The following TIE1 variants were observed in gnomAD, a reference collection of about 807,000 sequenced individuals.
TIE1 encodes tyrosine kinase with immunoglobulin like and EGF like domains 1, also known as tyrosine-protein kinase receptor Tie-1.
Under a neutral mutation model 130.5 loss-of-function variants are expected in TIE1, and 89 were observed. That is an observed-to-expected ratio of 0.68 (90% CI 0.57 to 0.81). The LOEUF is 0.81. Ranked by LOEUF, TIE1 falls within the 40% of genes least tolerant of loss-of-function variation. The pLI is 0.00. For missense variants in TIE1, 1,392 were observed against 1,559.8 expected (o/e 0.89, Z 1.81); for synonymous variants, 568 against 629.4 (o/e 0.90, Z 1.46).
chr1:43,305,433 G>A (rs1646719456), intron 3 of TIE1, 90 bp downstream of exon 3: 2 of 1,275,678 alleles, frequency 1.6e-6, no homozygotes, highest in South Asian at 1.6e-5. Context: ...CTCAGCTTTG[G>A]CCCCTGACAC....
chr1:43,313,627 C>T lies in TIE1; in HGVS notation c.2219-151C>T, dbSNP rs1163605682. 1 of 1,055,782 alleles carries T rather than the reference C, an allele frequency of 9.5e-7. No homozygotes were observed. Among genetic ancestry groups the T allele is most frequent in the East Asian group, 2.6e-5 (1 of 38,404 alleles). The allele number at this position is 1,055,782 out of a possible 1,614,324, so 65.4% of individuals were successfully genotyped here. A position where few individuals can be genotyped will look rare whatever the true frequency, so the allele number is the denominator to read the frequency against. On this transcript the variant is annotated intron_variant, in intron 13 of 22. Transcript: ENST00000372476. The surrounding 1 kb of genome is among the most constrained non-coding windows in gnomAD (Gnocchi z 6.2). The stretch of plus-strand genomic sequence containing the variant: ...TGGGAAAATCATGTCGCCCCTCTGA[C>T]ACCCCTCATCCCTTCCTTCATGTGG...
chr1:43,319,509 C>G lies in TIE1; in HGVS notation c.3087C>G (p.Val1029=), dbSNP rs539286992. 3.6e-5 allele frequency: 58 copies of G among 1,614,066 alleles called. No individual in the cohort carries two copies. In the Middle Eastern group the frequency reaches 6.6e-4, roughly 18 times the overall value. Reference sequence around the variant, plus strand: ...CCATTGAGTCCCTGAACTACAGTGTCTATACCACCAAGAGTGATGTGTGAG... The same window carrying G: ...CCATTGAGTCCCTGAACTACAGTGTGTATACCACCAAGAGTGATGTGTGAG... ...WMAIESLNYS[V]YTTKSDVWSF... The change falls in exon 19 of 23, where the codon GTC becomes GTG. Residue 1029 remains valine (V), a synonymous_variant. Coordinates refer to ENST00000372476, the MANE Select transcript of TIE1 (RefSeq NM_005424.5). This position sits in a 1 kb window ranked among gnomAD's most constrained non-coding sequence, Gnocchi z 4.7.
chr1:43,321,757 G>A (rs762965036), intron 22 of TIE1, 42 bp downstream of exon 22: 2 of 1,532,464 alleles, frequency 1.3e-6, no homozygotes, highest in South Asian at 2.4e-5. Context: ...GGCTCACAGA[G>A]TGCTCCAGAG....
At position 43,308,775 on chromosome 1, in the gene TIE1, G is replaced by A. The variant is rs138551599; in HGVS notation, c.1043-211G>A. 524 of 684,906 alleles carry A rather than the reference G, an allele frequency of 7.7e-4. 1 individual carries two copies. In the African/African-American group the frequency reaches 7.9e-3, roughly 10 times the overall value. 42.4% of individuals were successfully genotyped at this position (684,906 alleles called of 1,614,324 possible). The stretch of plus-strand genomic sequence containing the variant: ...CTGCTGGCAGGTATTAGACGGTATC[G>A]GGAAGTGGGGAGGTGGTTAGGAAGT... On this transcript the variant is annotated intron_variant, in intron 7 of 22. Coordinates refer to ENST00000372476, the MANE Select transcript of TIE1 (RefSeq NM_005424.5).
Position 43,313,893 on chromosome 1 carries a change from T to C in TIE1, c.2334T>C (p.Ala778=), listed in dbSNP as rs3120276. The C allele has an allele frequency of 0.65, 1,047,269 of 1,613,802 alleles. 345,405 individuals are homozygous for C. Among genetic ancestry groups the C allele is most frequent in the African/African-American group, 0.86 (64,523 of 74,958 alleles). ...CTGCCACCTGCCTCACCATCCTGGC[T>C]GCCCTTTTAACCCTGGTGTGCATCC... The part of the protein sequence containing the change: ...SVSATCLTIL[A]ALLTLVCIRR... Residue 778 remains alanine (A), a synonymous_variant, in exon 14 of 23, where the codon GCT becomes GCC. Coordinates refer to ENST00000372476, the MANE Select transcript of TIE1 (RefSeq NM_005424.5). This position sits in a 1 kb window ranked among gnomAD's most constrained non-coding sequence, Gnocchi z 6.2.
chr1:43,316,616 G>T lies in TIE1; in HGVS notation c.2410-583G>T, dbSNP rs1433434796. On this transcript the variant is annotated intron_variant, in intron 14 of 22. Coordinates refer to ENST00000372476, the MANE Select transcript of TIE1 (RefSeq NM_005424.5). This position sits in a 1 kb window ranked among gnomAD's most constrained non-coding sequence, Gnocchi z 4.4. ...GAGAAAAGCCAAGTGTGTGGACAGGGTAATCTCTGCTTCTGCTACTGTGGA... is the reference window on the plus strand; with the variant it reads ...GAGAAAAGCCAAGTGTGTGGACAGGTTAATCTCTGCTTCTGCTACTGTGGA... 6.6e-6 allele frequency among the ~76,000 whole-genome samples: 1 copy of T among 152,134 alleles called. No homozygotes were observed. Among genetic ancestry groups the T allele is most frequent in the East Asian group, 1.9e-4 (1 of 5,192 alleles).
In TIE1 at chr1:43,302,170, A is replaced by G. The variant is rs140366120; in HGVS notation, c.58+1041A>G. ...GACAAACATTTATTGAGCACCAACA[A>G]TATTCCAGGAGTTGTGCTAAGTGCT... On this transcript the variant is annotated intron_variant, in intron 1 of 22. Transcript: ENST00000372476. 3.9e-3 allele frequency among the ~76,000 whole-genome samples: 588 copies of G among 152,334 alleles called. 5 individuals are homozygous for G. The highest frequency in any genetic ancestry group is 0.013 in the African/African-American group (561 of 41,566).
In TIE1 at chr1:43,309,644, G is replaced by A; in HGVS notation, c.1333+112G>A. 3 of 1,372,712 alleles carry A rather than the reference G, an allele frequency of 2.2e-6. No individual in the cohort carries two copies. The highest frequency in any genetic ancestry group is 1.9e-6 in the Non-Finnish European group (2 of 1,048,402). 85.0% of individuals were successfully genotyped at this position (1,372,712 alleles called of 1,614,324 possible). A position where few individuals can be genotyped will look rare whatever the true frequency, so the allele number is the denominator to read the frequency against. On this transcript the variant is annotated intron_variant, in intron 9 of 22. Transcript: ENST00000372476. The surrounding 1 kb of genome is among the most constrained non-coding windows in gnomAD (Gnocchi z 6.3). Reference sequence around the variant, plus strand: ...AAGGACAAGGACATCTAAGGTCATAGCCTAGCACCAGACAAAAAGCGGGGT... The same window carrying A: ...AAGGACAAGGACATCTAAGGTCATAACCTAGCACCAGACAAAAAGCGGGGT...
chr1:43,303,992 A>C (rs969853598), intron 1 of TIE1, among the ~76,000 whole-genome samples: 8 of 152,338 alleles, frequency 5.3e-5, no homozygotes, highest in African/African-American at 1.9e-4. Flanking sequence ...TGGAAGGCAA[A>C]CAAAGACCAA....
chr1:43,307,958 G>T lies in TIE1; in HGVS notation c.1042+34G>T, dbSNP rs1646748051. 6.2e-7 allele frequency: 1 copy of T among 1,610,512 alleles called. No individual in the cohort carries two copies. Among genetic ancestry groups the T allele is most frequent in the South Asian group, 1.1e-5 (1 of 90,972 alleles). ...ACTATGACCTCTGAGAGCCCCCCAA[G>T]ATAAGTCGGCCTTTACCAAACACAT... On this transcript the variant is annotated intron_variant, in intron 7 of 22. Transcript: ENST00000372476. This position sits in a 1 kb window ranked among gnomAD's most constrained non-coding sequence, Gnocchi z 5.4.
chr1:43,321,963 A>C (rs963347019), intron 22 of TIE1, among the ~76,000 whole-genome samples: 2 of 152,072 alleles, frequency 1.3e-5, no homozygotes, highest in Non-Finnish European at 2.9e-5. Flanking sequence ...CCCTACCTTA[A>C]GCCCCAAGTC....
In TIE1 at chr1:43,319,113, G is replaced by A. The variant is rs922850738; in HGVS notation, c.2923-122G>A. 1 of 701,478 alleles carries A rather than the reference G, an allele frequency of 1.4e-6. No homozygotes were observed. Among genetic ancestry groups the A allele is most frequent in the Non-Finnish European group, 2.6e-6 (1 of 391,294 alleles). 43.5% of individuals were successfully genotyped at this position (701,478 alleles called of 1,614,324 possible). A position where few individuals can be genotyped will look rare whatever the true frequency, so the allele number is the denominator to read the frequency against. ...AGTCAGCTGACGAGATTGCAGCCAG[G>A]AGGGTAGGAGTATGGGGTATTGAAG... On this transcript the variant is annotated intron_variant, in intron 17 of 22. Transcript: ENST00000372476. The surrounding 1 kb of genome is among the most constrained non-coding windows in gnomAD (Gnocchi z 4.7).
Position 43,319,256 on chromosome 1 carries a change from G to T in TIE1, c.2944G>T (p.Ala982Ser), listed in dbSNP as rs1646889979. The T allele has an allele frequency of 6.2e-7, 1 of 1,614,070 alleles. No individual in the cohort carries two copies. Among genetic ancestry groups the T allele is most frequent in the Non-Finnish European group, 8.5e-7 (1 of 1,179,982 alleles). The change falls in exon 18 of 23, where the codon GCC becomes TCC. Residue 982 changes from alanine (A) to serine (S), a missense_variant. Coordinates refer to ENST00000372476, the MANE Select transcript of TIE1 (RefSeq NM_005424.5). The surrounding 1 kb of genome is among the most constrained non-coding windows in gnomAD (Gnocchi z 4.7). Reference sequence around the variant, plus strand: ...ACAGTTCATCCACAGGGACCTGGCTGCCCGGAATGTGCTGGTCGGAGAGAA... The same window carrying T: ...ACAGTTCATCCACAGGGACCTGGCTTCCCGGAATGTGCTGGTCGGAGAGAA... ...EKQFIHRDLA[A>S]RNVLVGENLA...
intron 9 of TIE1, among the ~76,000 whole-genome samples, chr1:43,310,553 T>C (rs1164398028): frequency 6.6e-6 from 1 of 152,226 alleles, no homozygotes; most frequent in Non-Finnish European, 1.5e-5. Context: ...CCCTAGATTT[T>C]GATAGTTCTC....
chr1:43,309,307 A>G lies in TIE1; in HGVS notation c.1189-81A>G. ...GCTGCCACTGGGCCTCTGTCCTGCC[A>G]TCAGTCCAGACGGACACCTGGGTGC... On this transcript the variant is annotated intron_variant, in intron 8 of 22. Transcript: ENST00000372476. The surrounding 1 kb of genome is among the most constrained non-coding windows in gnomAD (Gnocchi z 6.3). 6.6e-7 allele frequency: 1 copy of G among 1,526,380 alleles called. No homozygotes were observed. Among genetic ancestry groups the G allele is most frequent in the South Asian group, 1.3e-5 (1 of 76,018 alleles). The allele number at this position is 1,526,380 out of a possible 1,614,324, so 94.6% of individuals were successfully genotyped here.
chr1:43,313,492 C>A lies in TIE1; in HGVS notation c.2218+67C>A. On this transcript the variant is annotated intron_variant, in intron 13 of 22. Coordinates refer to ENST00000372476, the MANE Select transcript of TIE1 (RefSeq NM_005424.5). This position sits in a 1 kb window ranked among gnomAD's most constrained non-coding sequence, Gnocchi z 6.2. ...GGGAGAGCTCAGCACGCTCTCCTTC[C>A]ACATCACCCCCTACTGTGGAGCTAG... 1 of 1,571,504 alleles carries A rather than the reference C, an allele frequency of 6.4e-7. No individual in the cohort carries two copies. Among genetic ancestry groups the A allele is most frequent in the Non-Finnish European group, 8.7e-7 (1 of 1,152,002 alleles).
In TIE1 at chr1:43,319,186, C is replaced by G. The variant is rs1646889510; in HGVS notation, c.2923-49C>G. 7.0e-7 allele frequency: 1 copy of G among 1,431,260 alleles called. No individual in the cohort carries two copies. The highest frequency in any genetic ancestry group is 9.9e-7 in the Non-Finnish European group (1 of 1,013,404). The allele number at this position is 1,431,260 out of a possible 1,614,324, so 88.7% of individuals were successfully genotyped here. On this transcript the variant is annotated intron_variant, in intron 17 of 22. Transcript: ENST00000372476. The surrounding 1 kb of genome is among the most constrained non-coding windows in gnomAD (Gnocchi z 4.7). ...CTGACTCCTTACTGGCCTGACTGTCCTGGGCTCCCTCATCCCCAGTCTCTC... is the reference window on the plus strand; with the variant it reads ...CTGACTCCTTACTGGCCTGACTGTCGTGGGCTCCCTCATCCCCAGTCTCTC...
chr1:43,321,768 T>C, intron 22 of TIE1, 53 bp downstream of exon 22: 1 of 1,509,614 alleles, frequency 6.6e-7, no homozygotes, highest in South Asian at 1.2e-5. Flanking sequence ...TGCTCCAGAG[T>C]GCCCTCTCAG....
rs573519536 is a variant in TIE1 at position 43,312,162 on chromosome 1, C to T, written c.1630+31C>T. ...AGGCCAAGAGTCATCCCTTCCTGTC[C>T]CCCCAAGGGTTACTTTCCCGTCGAC... On this transcript the variant is annotated intron_variant, in intron 11 of 22. Coordinates refer to ENST00000372476, the MANE Select transcript of TIE1 (RefSeq NM_005424.5). This position sits in a 1 kb window ranked among gnomAD's most constrained non-coding sequence, Gnocchi z 5.6. 1.3e-6 allele frequency: 2 copies of T among 1,515,410 alleles called. No homozygotes were observed. Among genetic ancestry groups the T allele is most frequent in the Admixed American group, 2.2e-5 (1 of 44,820 alleles). The allele number at this position is 1,515,410 out of a possible 1,614,324, so 93.9% of individuals were successfully genotyped here. A position where few individuals can be genotyped will look rare whatever the true frequency, so the allele number is the denominator to read the frequency against.
Sources: allele counts gnomAD v4.1 joint callset (sites outside exome capture counted in the v4.1 genomes callset), GRCh38; gene constraint gnomAD v4.1.1; non-coding constraint Gnocchi (gnomAD v3.1); transcripts MANE v1.5; gene names NCBI Gene and HGNC (gene_info 2026-07-23, HGNC 2026-07-21).